Variants in ATP13A2 observed in about 807,000 individuals in gnomAD.
The protein encoded by ATP13A2 is ATPase cation transporting 13A2, also known as polyamine-transporting ATPase 13A2.
A neutral mutation model predicts 138.3 loss-of-function variants in ATP13A2; 83 were observed. That is an observed-to-expected ratio of 0.60 (90% CI 0.50 to 0.72). The LOEUF (loss-of-function observed/expected upper bound fraction) is 0.72, where lower values mean the gene tolerates loss of function less well. Ranked by LOEUF, ATP13A2 falls within the 30% of genes least tolerant of loss-of-function variation. The pLI is 0.00. For synonymous variants in ATP13A2, 663 were observed against 699.0 expected, an observed-to-expected ratio of 0.95 and a Z score of 0.81; for missense variants, 1,402 against 1,606.4, an observed-to-expected ratio of 0.87 and a Z score of 2.17.
chr1:16,992,730 T>C, intron 16 of ATP13A2, 149 bp from the exon 17 acceptor site: 3 of 771,272 alleles, frequency 3.9e-6, no homozygotes, highest in South Asian at 3.5e-5. Context: ...ATTCAAACTC[T>C]AGCTTTGCTA....
At chr1:17,005,801 T>C (rs1228400005) in intron 1 of ATP13A2, 23 bp from the exon 2 acceptor site, 1 of 1,589,076 alleles carries the variant, frequency 6.3e-7, no homozygotes, top group Admixed American at 1.8e-5. Context: ...AAGAGAAAGG[T>C]CATTTGGGGA....
rs1367928615 is a variant in ATP13A2, at chr1:16,995,962, AC to A, written c.1542+13del. Reference sequence around the variant, plus strand: ...TGTCCCGCTCCCCTGCACCAACCCCACCTGCGGCCCCACCTTGTCGAAACAC... The same window carrying A: ...TGTCCCGCTCCCCTGCACCAACCCCACTGCGGCCCCACCTTGTCGAAACAC... On this transcript the variant is annotated intron_variant, in intron 15 of 28. Transcript: ENST00000326735. The surrounding 1 kb of genome is among the most constrained non-coding windows in gnomAD (Gnocchi z 4.1). 1 of 1,613,594 alleles carries A rather than the reference AC, an allele frequency of 6.2e-7. No homozygotes were observed. The highest frequency in any genetic ancestry group is 1.3e-5 in the African/African-American group (1 of 74,996).
In ATP13A2 at chr1:17,000,151, A is replaced by C; in HGVS notation, c.908-9T>G. On this transcript the variant is annotated splice_polypyrimidine_tract_variant and intron_variant, in intron 10 of 28. Coordinates refer to ENST00000326735, the MANE Select transcript of ATP13A2 (RefSeq NM_022089.4). ...GTCCACCCACTCTTCCTCTGCAGGCAGGCAGGAGAGGAGCTCAGCTAGGTG... is the reference window on the plus strand; with the variant it reads ...GTCCACCCACTCTTCCTCTGCAGGCCGGCAGGAGAGGAGCTCAGCTAGGTG... 6.2e-7 allele frequency: 1 copy of C among 1,613,034 alleles called. No individual in the cohort carries two copies. The highest frequency in any genetic ancestry group is 8.5e-7 in the Non-Finnish European group (1 of 1,179,946).
Position 16,986,031 on chromosome 1 carries a change from C to A in ATP13A2, c.*190G>T, listed in dbSNP as rs556938808. The A allele has an allele frequency of 6.8e-7, 1 of 1,467,108 alleles. No homozygotes were observed. Among genetic ancestry groups the A allele is most frequent in the Non-Finnish European group, 9.0e-7 (1 of 1,107,438 alleles). The allele number at this position is 1,467,108 out of a possible 1,614,324, so 90.9% of individuals were successfully genotyped here. Reference sequence around the variant, plus strand: ...GGGGAGCTGGGGGCTGCCACCCCTACGCGGGATGGTCCAAGGTAGGGGACA... The same window carrying A: ...GGGGAGCTGGGGGCTGCCACCCCTAAGCGGGATGGTCCAAGGTAGGGGACA... On this transcript the variant is annotated 3_prime_UTR_variant, in exon 29 of 29. Transcript: ENST00000326735. This position sits in a 1 kb window ranked among gnomAD's most constrained non-coding sequence, Gnocchi z 6.9.
rs1413064077 is a variant in ATP13A2, at chr1:17,004,603, G to T, written c.477+89C>A. The T allele has an allele frequency of 6.2e-7, 1 of 1,611,320 alleles. No individual in the cohort carries two copies. Among genetic ancestry groups the T allele is most frequent in the Non-Finnish European group, 8.5e-7 (1 of 1,178,348 alleles). ...ATGTTTGGGACAACAGAACTAAAAG[G>T]TGGTGGGAGAACATGAAGTCTGACT... On this transcript the variant is annotated intron_variant, in intron 5 of 28. Coordinates refer to ENST00000326735, the MANE Select transcript of ATP13A2 (RefSeq NM_022089.4). This position sits in a 1 kb window ranked among gnomAD's most constrained non-coding sequence, Gnocchi z 4.1.
rs2077019285 is a variant in ATP13A2, at chr1:16,993,789, G to A, written c.1589C>T (p.Pro530Leu). ...GGGCAGGAATGCCTGCCCCTTCAGG[G>A]GCACCACCCCCATCACGTCTAAGCC... ...EDGLDVMGVVPLKGQAFLPLV... is the reference protein window; with the variant it reads ...EDGLDVMGVVLLKGQAFLPLV... The change falls in exon 16 of 29, where the codon CCC becomes CTC. Residue 530 changes from proline to leucine, a missense_variant. Coordinates refer to ENST00000326735, the MANE Select transcript of ATP13A2 (RefSeq NM_022089.4). 6.3e-7 allele frequency: 1 copy of A among 1,585,242 alleles called. No individual in the cohort carries two copies. Among genetic ancestry groups the A allele is most frequent in the Non-Finnish European group, 8.6e-7 (1 of 1,166,468 alleles).
At chr1:16,987,992 C>G (rs780081519) in intron 25 of ATP13A2, 146 bp downstream of exon 25, 7 of 807,348 alleles carry the variant, frequency 8.7e-6, no homozygotes, top group Non-Finnish European at 1.5e-5. Flanking sequence ...GCCTTGCCAC[C>G]TCTCCAACCA....
At chr1:17,000,177 G>C (rs768373154) in intron 10 of ATP13A2, 35 bp from the exon 11 acceptor site, 8 of 1,611,384 alleles carry the variant, frequency 5.0e-6, no homozygotes, top group Admixed American at 1.7e-5. Flanking sequence ...CAGCTAGGTG[G>C]GGCCAGCCCC....
intron 25 of ATP13A2, among the ~76,000 whole-genome samples, 171 bp from the exon 26 acceptor site, chr1:16,987,440 G>T (rs574213207): frequency 1.3e-5 from 2 of 152,342 alleles, no homozygotes; most frequent in African/African-American, 4.8e-5. Context: ...TGCCGCTCTT[G>T]ATGTGAGACA....
rs1372801303 is a variant in ATP13A2 at position 16,995,844 on chromosome 1, T to G, written c.1542+132A>C. On this transcript the variant is annotated intron_variant, in intron 15 of 28. Coordinates refer to ENST00000326735, the MANE Select transcript of ATP13A2 (RefSeq NM_022089.4). The surrounding 1 kb of genome is among the most constrained non-coding windows in gnomAD (Gnocchi z 4.1). Reference sequence around the variant, plus strand: ...CAGGAGTGGGATGGGGTGGATCCTCTGGGGGTTTCCATCCCTAGACAGGAC... The same window carrying G: ...CAGGAGTGGGATGGGGTGGATCCTCGGGGGGTTTCCATCCCTAGACAGGAC... 3.6e-6 allele frequency: 4 copies of G among 1,110,520 alleles called. No homozygotes were observed. The highest frequency in any genetic ancestry group is 4.0e-6 in the Non-Finnish European group (3 of 755,972). 68.8% of individuals were successfully genotyped at this position (1,110,520 alleles called of 1,614,324 possible).
chr1:16,989,539 C>A, intron 23 of ATP13A2, 152 bp downstream of exon 23: 1 of 755,902 alleles, frequency 1.3e-6, no homozygotes, highest in East Asian at 2.7e-5. Context: ...CATGAAAGAC[C>A]TGGGAGAGCC....
Position 16,996,740 on chromosome 1 carries a change from G to A in ATP13A2, c.1196-244C>T, listed in dbSNP as rs551515574. On this transcript the variant is annotated intron_variant, in intron 12 of 28. Coordinates refer to ENST00000326735, the MANE Select transcript of ATP13A2 (RefSeq NM_022089.4). ...GTTCCACTGAAAATCCAGACACAGG[G>A]AAGGCTCCTGCCTGCCCGCTACATC... 87 of 618,006 alleles carry A rather than the reference G, an allele frequency of 1.4e-4. No individual in the cohort carries two copies. In the East Asian group the frequency reaches 1.6e-3, roughly 11 times the overall value. 38.3% of individuals were successfully genotyped at this position (618,006 alleles called of 1,614,324 possible).
At chr1:16,999,080 A>G (rs1452936817) in intron 11 of ATP13A2, among the ~76,000 whole-genome samples, 2 of 152,196 alleles carry the variant, frequency 1.3e-5, no homozygotes, top group South Asian at 4.1e-4. Context: ...GGGCACTGGT[A>G]TAGAAACAGC....
At chr1:16,990,956 C>CT (rs797003201) in intron 20 of ATP13A2, among the ~76,000 whole-genome samples, 1,564 of 143,628 alleles carry the variant, frequency 0.011, 29 homozygotes, top group African/African-American at 0.036. Flanking sequence ...TAGCTAGAAT[C>CT]TTTTTTTTTT....
At position 16,986,834 on chromosome 1, in the gene ATP13A2, G is replaced by A. The variant is rs764988645; in HGVS notation, c.3206C>T (p.Ala1069Val). 7.4e-6 allele frequency: 12 copies of A among 1,612,926 alleles called. No homozygotes were observed. The highest frequency in any genetic ancestry group is 4.0e-5 in the African/African-American group (3 of 74,714). Residue 1069 changes from alanine (A) to valine (V), a missense_variant, in exon 27 of 29, where the codon GCG becomes GTG. Transcript: ENST00000326735. This position sits in a 1 kb window ranked among gnomAD's most constrained non-coding sequence, Gnocchi z 6.9. ...GGTGTAGAGCGGCCGGCGGAAGGGC[G>A]CCCCCTTGGACACGGCTGCAGCCAG... Reference protein sequence around the residue: ...LILAAAVSKGAPFRRPLYTNV... With the variant: ...LILAAAVSKGVPFRRPLYTNV...
At position 17,005,782 on chromosome 1, in the gene ATP13A2, T is replaced by C. The variant is rs1036993979; in HGVS notation, c.11-4A>G. The C allele has an allele frequency of 6.2e-7, 1 of 1,607,132 alleles. No homozygotes were observed. Among genetic ancestry groups the C allele is most frequent in the Admixed American group, 1.7e-5 (1 of 58,880 alleles). ...CTGCCCACGAGAGGGCTGCTGTCTG[T>C]GGACAGAAAAGAGAAAGGTCATTTG... On this transcript the variant is annotated splice_polypyrimidine_tract_variant and splice_region_variant and intron_variant, in intron 1 of 28. Coordinates refer to ENST00000326735, the MANE Select transcript of ATP13A2 (RefSeq NM_022089.4).
In ATP13A2 at chr1:16,986,435, C is replaced by A. The variant is rs760637978; in HGVS notation, c.3405+28G>T. ...ATGCACCCCCACCTCCCTTCTCTCCCGCTGCTGAGACCCAGGGCGGGCCCC... is the reference window on the plus strand; with the variant it reads ...ATGCACCCCCACCTCCCTTCTCTCCAGCTGCTGAGACCCAGGGCGGGCCCC... On this transcript the variant is annotated intron_variant, in intron 28 of 28. Transcript: ENST00000326735. This position sits in a 1 kb window ranked among gnomAD's most constrained non-coding sequence, Gnocchi z 6.9. The A allele has an allele frequency of 6.2e-7, 1 of 1,609,624 alleles. No individual in the cohort carries two copies. Among genetic ancestry groups the A allele is most frequent in the Non-Finnish European group, 8.5e-7 (1 of 1,179,384 alleles).
chr1:16,997,425 G>GGGGGGGGA (rs2077178023), intron 11 of ATP13A2, among the ~76,000 whole-genome samples: 1 of 138,058 alleles, frequency 7.2e-6, no homozygotes, highest in African/African-American at 2.7e-5. Flanking sequence ...GGGGGGGGGT[G>GGGGGGGGA]GGTCAGACAG....
At chr1:17,000,194 G>GCACCC in intron 10 of ATP13A2, 52 bp from the exon 11 acceptor site, 2 of 1,570,254 alleles carry the variant, frequency 1.3e-6, no homozygotes, top group South Asian at 1.1e-5. Flanking sequence ...CCCCAGCCAT[G>GCACCC]CCCCCCCACC....
Sources: allele counts gnomAD v4.1 joint callset (sites outside exome capture counted in the v4.1 genomes callset), GRCh38; gene constraint gnomAD v4.1.1; non-coding constraint Gnocchi (gnomAD v3.1); transcripts MANE v1.5; gene names NCBI Gene and HGNC (gene_info 2026-07-23, HGNC 2026-07-21).